Variants in HDAC4 observed in about 807,000 individuals in gnomAD.
HDAC4 encodes histone deacetylase A.
In HDAC4, 16 loss-of-function variants were observed where a neutral mutation model predicts 135.1. The observed-to-expected ratio is 0.12, with a 90% CI of 0.08 to 0.18. The LOEUF is 0.18. HDAC4 is among the 10% of genes least tolerant of loss of function. The pLI, the probability that HDAC4 is intolerant of heterozygous loss-of-function variation, is 1.00. For synonymous variants in HDAC4, 685 were observed against 653.4 expected (o/e 1.05, Z -0.74); for missense variants, 1,143 against 1,511.8 (o/e 0.76, Z 4.05).
intron 3 of HDAC4, among the ~76,000 whole-genome samples, chr2:239,216,370 G>A (rs986874427): frequency 6.6e-6 from 1 of 152,068 alleles, no homozygotes; most frequent in Non-Finnish European, 1.5e-5. Flanking sequence ...AAGAGCTGAT[G>A]TTCTCATGTT....
intron 24 of HDAC4, among the ~76,000 whole-genome samples, chr2:239,063,234 T>G (rs2033026115): frequency 6.6e-6 from 1 of 151,390 alleles, no homozygotes; most frequent in Non-Finnish European, 1.5e-5. Flanking sequence ...GGAGTCTCGC[T>G]CTCTCGCCCA....
chr2:239,139,536 C>T lies in HDAC4; in HGVS notation c.978+148G>A. On this transcript the variant is annotated intron_variant, in intron 9 of 26. Transcript: ENST00000543185. This position sits in a 1 kb window ranked among gnomAD's most constrained non-coding sequence, Gnocchi z 5.3. ...CAGGAGAGTAACCTCCAACTGCGTC[C>T]TTTTTAGGATGGCTCACAGGCCACT... 1.3e-6 allele frequency: 1 copy of T among 777,662 alleles called. No homozygotes were observed. Among genetic ancestry groups the T allele is most frequent in the Non-Finnish European group, 2.3e-6 (1 of 432,422 alleles). 48.2% of individuals were successfully genotyped at this position (777,662 alleles called of 1,614,324 possible).
chr2:239,054,957 G>C lies in HDAC4; in HGVS notation c.3004-124C>G, dbSNP rs1403633504. On this transcript the variant is annotated intron_variant, in intron 24 of 26. Coordinates refer to ENST00000543185, the MANE Select transcript of HDAC4 (RefSeq NM_001378414.1). ...CCCTTGTGGGGTGCATTTGCCCACA[G>C]AGTAGAAAAAAATAACTTTAAAAAG... 10 of 741,344 alleles carry C rather than the reference G, an allele frequency of 1.3e-5. No individual in the cohort carries two copies. In the African/African-American group the frequency reaches 1.7e-4, roughly 13 times the overall value. The allele number at this position is 741,344 out of a possible 1,614,324, so 45.9% of individuals were successfully genotyped here.
chr2:239,262,646 C>T lies in HDAC4; in HGVS notation c.23-25982G>A, dbSNP rs986276954. 1.3e-5 allele frequency among the ~76,000 whole-genome samples: 2 copies of T among 152,162 alleles called. No homozygotes were observed. The highest frequency in any genetic ancestry group is 6.5e-5 in the Admixed American group (1 of 15,276). ...TTTCTGGGCAAGAGTGTGGGACCAA[C>T]GAGACCTGGGCTAGTGCAGGGGTGG... On this transcript the variant is annotated intron_variant, in intron 2 of 26. Transcript: ENST00000543185. This position sits in a 1 kb window ranked among gnomAD's most constrained non-coding sequence, Gnocchi z 4.1.
chr2:239,361,347 A>C (rs1208389944), intron 1 of HDAC4, among the ~76,000 whole-genome samples: 1 of 152,192 alleles, frequency 6.6e-6, no homozygotes, highest in Non-Finnish European at 1.5e-5. Flanking sequence ...GCTAGAGTTA[A>C]GTTTTAAGGA....
rs535195462 is a variant in HDAC4, at chr2:239,240,171, G to A, written c.23-3507C>T. Among the ~76,000 whole-genome samples, 2 of 152,350 alleles carry A rather than the reference G, an allele frequency of 1.3e-5. No individual in the cohort carries two copies. The highest frequency in any genetic ancestry group is 6.5e-5 in the Admixed American group (1 of 15,308). On this transcript the variant is annotated intron_variant, in intron 2 of 26. Coordinates refer to ENST00000543185, the MANE Select transcript of HDAC4 (RefSeq NM_001378414.1). This position sits in a 1 kb window ranked among gnomAD's most constrained non-coding sequence, Gnocchi z 4.5. ...ACAATCCTGGGGGTAAAGCAGTGGC[G>A]GTGAGTGCACTTTGCAGGCGCAGGG...
At chr2:239,336,632 T>C (rs1346753689) in intron 2 of HDAC4, among the ~76,000 whole-genome samples, 1 of 152,250 alleles carries the variant, frequency 6.6e-6, no homozygotes, top group Non-Finnish European at 1.5e-5. Context: ...TACTTCATTT[T>C]GTGAACTCAA....
intron 17 of HDAC4, among the ~76,000 whole-genome samples, chr2:239,092,556 G>GC (rs2036617061): frequency 6.6e-6 from 1 of 152,208 alleles, no homozygotes; most frequent in Non-Finnish European, 1.5e-5. Flanking sequence ...CTGTGTCTGT[G>GC]CCCCCTCCCA....
intron 4 of HDAC4, among the ~76,000 whole-genome samples, chr2:239,188,790 C>A (rs944154079): frequency 1.3e-5 from 2 of 152,244 alleles, no homozygotes; most frequent in Non-Finnish European, 2.9e-5. Context: ...TCTCGGGTTG[C>A]TCCCTCTGGG....
intron 1 of HDAC4, among the ~76,000 whole-genome samples, chr2:239,365,822 G>A (rs1302630282): frequency 6.7e-6 from 1 of 149,900 alleles, no homozygotes; most frequent in African/African-American, 2.5e-5. Flanking sequence ...TGGCACTGGG[G>A]GACACACGCA....
intron 2 of HDAC4, among the ~76,000 whole-genome samples, chr2:239,290,612 CACAA>C (rs1476969181): frequency 1.3e-5 from 2 of 152,170 alleles, no homozygotes; most frequent in African/African-American, 4.8e-5. Flanking sequence ...GGCACGTGCG[CACAA>C]GCAGTCACGT....
At chr2:239,214,002 CAT>C (rs1174769454) in intron 3 of HDAC4, among the ~76,000 whole-genome samples, 1 of 152,246 alleles carries the variant, frequency 6.6e-6, no homozygotes, top group East Asian at 1.9e-4. Context: ...GTCTGGCTGA[CAT>C]AAAGTTGACA....
chr2:239,217,624 A>G (rs2153112676), intron 3 of HDAC4, among the ~76,000 whole-genome samples: 1 of 152,336 alleles, frequency 6.6e-6, no homozygotes, highest in East Asian at 1.9e-4. Flanking sequence ...AGGAAAGCAC[A>G]GTTTAGGGAA....
chr2:239,156,541 G>T, intron 7 of HDAC4, 111 bp downstream of exon 7: 1 of 1,272,366 alleles, frequency 7.9e-7, no homozygotes, highest in Non-Finnish European at 1.1e-6. Flanking sequence ...TTAAAAATCT[G>T]CAGGTGATTC....
chr2:239,119,992 G>A (rs1226903424), intron 12 of HDAC4, among the ~76,000 whole-genome samples: 1 of 57,942 alleles, frequency 1.7e-5, no homozygotes, highest in Non-Finnish European at 5.3e-5. Flanking sequence ...AGGCAGTGGG[G>A]ACCACCCGTG....
rs111162890 is a variant in HDAC4 at position 239,346,041 on chromosome 2, G to A, written c.22+6637C>T. On this transcript the variant is annotated intron_variant, in intron 2 of 26. Coordinates refer to ENST00000543185, the MANE Select transcript of HDAC4 (RefSeq NM_001378414.1). ...ACACATCCTAACACACATACACACC[G>A]TCTGAAACACACACACCCCCATCTC... Among the ~76,000 whole-genome samples, 562 of 122,096 alleles carry A rather than the reference G, an allele frequency of 4.6e-3. 8 individuals are homozygous for A. The highest frequency in any genetic ancestry group is 0.017 in the African/African-American group (522 of 30,004). The allele number at this position is 122,096 out of a possible 152,430, so 80.1% of individuals were successfully genotyped here. A position where few individuals can be genotyped will look rare whatever the true frequency, so the allele number is the denominator to read the frequency against.
intron 9 of HDAC4, among the ~76,000 whole-genome samples, chr2:239,135,459 A>G (rs915643329): frequency 2.0e-5 from 3 of 152,214 alleles, no homozygotes; most frequent in African/African-American, 7.2e-5. Context: ...ATGGTCATCA[A>G]AAAAGGTATT....
In HDAC4 at chr2:239,051,728, G is replaced by C. The variant is rs1260489475; in HGVS notation, c.*1369C>G. ...GAATGTGTTGGCGATCTGAAATCTA[G>C]CCAATCTGGAGCTTGAGAAAACATG... On this transcript the variant is annotated 3_prime_UTR_variant, in exon 27 of 27. Transcript: ENST00000543185. 6.6e-6 allele frequency: 1 copy of C among 152,548 alleles called. No individual in the cohort carries two copies. Among genetic ancestry groups the C allele is most frequent in the Non-Finnish European group, 1.5e-5 (1 of 68,034 alleles). 9.4% of individuals were successfully genotyped at this position (152,548 alleles called of 1,614,324 possible).
intron 22 of HDAC4, among the ~76,000 whole-genome samples, chr2:239,076,582 C>A (rs2034788468): frequency 1.3e-5 from 2 of 152,330 alleles, no homozygotes; most frequent in Non-Finnish European, 2.9e-5. Flanking sequence ...CAAGAGGCTG[C>A]AGTCCTGTGG....
Sources: allele counts gnomAD v4.1 joint callset (sites outside exome capture counted in the v4.1 genomes callset), GRCh38; gene constraint gnomAD v4.1.1; non-coding constraint Gnocchi (gnomAD v3.1); transcripts MANE v1.5; gene names NCBI Gene and HGNC (gene_info 2026-07-23, HGNC 2026-07-21).